DAZAP1: variants seen among roughly 807,000 people sequenced by gnomAD.
DAZAP1 encodes DAZ associated protein 1.
Under a neutral mutation model 60.1 loss-of-function variants are expected in DAZAP1, and 6 were observed. The observed-to-expected ratio is 0.10, with a 90% confidence interval of 0.05 to 0.20. The LOEUF (loss-of-function observed/expected upper bound fraction) is 0.20, where lower values mean the gene tolerates loss of function less well. Ranked by LOEUF, DAZAP1 falls within the 10% of genes least tolerant of loss-of-function variation. DAZAP1 has a pLI of 1.00. For missense variants in DAZAP1, 366 were observed against 560.4 expected (o/e 0.65, Z 3.50); for synonymous variants, 235 against 215.9 (o/e 1.09, Z -0.78).
chr19:1,424,621 C>T (rs549087759), intron 6 of DAZAP1, among the ~76,000 whole-genome samples: 1 of 151,956 alleles, frequency 6.6e-6, no homozygotes, highest in Non-Finnish European at 1.5e-5. Flanking sequence ...TTCCGGGGGC[C>T]GTTGCCTGTT....
chr19:1,417,281 C>G, intron 1 of DAZAP1: 3 of 612,740 alleles, frequency 4.9e-6, no homozygotes, highest in Non-Finnish European at 8.6e-6. Context: ...TGGCACGGTC[C>G]TCTCCCCATG....
chr19:1,410,599 C>T (rs996184647), intron 1 of DAZAP1, among the ~76,000 whole-genome samples: 5 of 152,220 alleles, frequency 3.3e-5, no homozygotes, highest in Admixed American at 2.6e-4. Context: ...GCTGACACAG[C>T]GCGGCCGGGG....
At chr19:1,421,736 C>T (rs1432352914) in intron 5 of DAZAP1, among the ~76,000 whole-genome samples, 1 of 152,206 alleles carries the variant, frequency 6.6e-6, no homozygotes, top group Non-Finnish European at 1.5e-5. Context: ...CGTGTGGTCA[C>T]CCCAAGGTCC....
At chr19:1,429,794 G>A (rs187769901) in intron 8 of DAZAP1, among the ~76,000 whole-genome samples, 173 bp from the exon 9 acceptor site, 1 of 152,302 alleles carries the variant, frequency 6.6e-6, no homozygotes, top group African/African-American at 2.4e-5. Context: ...AAGGGGTGGG[G>A]AGTGCTTCTC....
chr19:1,414,308 G>A (rs1221562663), intron 1 of DAZAP1, among the ~76,000 whole-genome samples: 5 of 152,118 alleles, frequency 3.3e-5, no homozygotes. Context: ...GTGAGCCAGT[G>A]CACCCATCCC....
At position 1,433,699 on chromosome 19, in the gene DAZAP1, G is replaced by A. The variant is rs767722925; in HGVS notation, c.1048+1009G>A. The A allele has an allele frequency of 1.3e-5, 21 of 1,560,420 alleles. No individual in the cohort carries two copies. Among genetic ancestry groups the A allele is most frequent in the African/African-American group, 2.7e-5 (2 of 73,826 alleles). On this transcript the variant is annotated intron_variant, in intron 11 of 11. Coordinates refer to ENST00000233078, the MANE Select transcript of DAZAP1 (RefSeq NM_018959.4). The surrounding 1 kb of genome is among the most constrained non-coding windows in gnomAD (Gnocchi z 6.1). Reference sequence around the variant, plus strand: ...TGTGTCAGCCGCTGCTCTTGGTGGCGGCTGCTTGGGTTGGTCACCCTGGTC... The same window carrying A: ...TGTGTCAGCCGCTGCTCTTGGTGGCAGCTGCTTGGGTTGGTCACCCTGGTC...
At position 1,421,249 on chromosome 19, in the gene DAZAP1, GT is replaced by G; in HGVS notation, c.407del (p.Phe136SerfsTer7). 6.2e-7 allele frequency: 1 copy of G among 1,614,020 alleles called. No homozygotes were observed. Among genetic ancestry groups the G allele is most frequent in the Non-Finnish European group, 8.5e-7 (1 of 1,179,906 alleles). On this transcript the variant is annotated frameshift_variant, in exon 5 of 12. Coordinates refer to ENST00000233078, the MANE Select transcript of DAZAP1 (RefSeq NM_018959.4). LOFTEE classifies it high-confidence loss of function. ...ETELREYFKK[F>X]GVVTEVVMIY... is the part of the protein sequence containing the mutation. Reference sequence around the variant, plus strand: ...CAGAGCTCAGGGAATACTTCAAGAAGTTCGGAGTGGTGAGTTTCTCCCCACC... The same window carrying G: ...CAGAGCTCAGGGAATACTTCAAGAAGTCGGAGTGGTGAGTTTCTCCCCACC...
chr19:1,422,477 A>AC lies in DAZAP1; in HGVS notation c.463+82dup. On this transcript the variant is annotated intron_variant, in intron 6 of 11. Transcript: ENST00000233078. This position sits in a 1 kb window ranked among gnomAD's most constrained non-coding sequence, Gnocchi z 4.5. ...AAACTATCTCACCCGCCAGGCACAC[A>AC]CAGGTGGCGGCTGTAGCAAACAGCC... The AC allele has an allele frequency of 1.4e-6, 2 of 1,386,506 alleles. No individual in the cohort carries two copies. The highest frequency in any genetic ancestry group is 1.8e-4 in the Middle Eastern group (1 of 5,592). The allele number at this position is 1,386,506 out of a possible 1,614,324, so 85.9% of individuals were successfully genotyped here.
chr19:1,408,325 G>A (rs2082724478), intron 1 of DAZAP1, among the ~76,000 whole-genome samples: 1 of 151,952 alleles, frequency 6.6e-6, no homozygotes, highest in African/African-American at 2.4e-5. Context: ...GAACCTGAGG[G>A]AGTCTGCGGG....
In DAZAP1 at chr19:1,417,518, T is replaced by C; in HGVS notation, c.48T>C (p.Gly16=). The C allele has an allele frequency of 6.2e-7, 1 of 1,607,372 alleles. No individual in the cohort carries two copies. Among genetic ancestry groups the C allele is most frequent in the Admixed American group, 1.7e-5 (1 of 58,890 alleles). The change falls in exon 2 of 12, where the codon GGT becomes GGC. Residue 16 remains glycine, a synonymous_variant. Coordinates refer to ENST00000233078, the MANE Select transcript of DAZAP1 (RefSeq NM_018959.4). ...ADEIGKLFVG[G]LDWSTTQETL... is the part of the protein sequence containing the mutation. ...ATCGCAGGAAGCTCTTCGTGGGCGG[T>C]CTTGACTGGAGCACGACCCAAGGTA...
At position 1,422,318 on chromosome 19, in the gene DAZAP1, G is replaced by C; in HGVS notation, c.415-30G>C. On this transcript the variant is annotated intron_variant, in intron 5 of 11. Transcript: ENST00000233078. The surrounding 1 kb of genome is among the most constrained non-coding windows in gnomAD (Gnocchi z 4.5). ...GACCACCTGTGGTGCTGGCCCTGGT[G>C]TCCGTGCTGACGCCACCCTCTCCTT... The C allele has an allele frequency of 6.2e-7, 1 of 1,611,842 alleles. No homozygotes were observed. The highest frequency in any genetic ancestry group is 8.5e-7 in the Non-Finnish European group (1 of 1,178,184).
intron 1 of DAZAP1, among the ~76,000 whole-genome samples, chr19:1,410,866 A>G (rs1428885368): frequency 6.6e-6 from 1 of 152,228 alleles, no homozygotes; most frequent in Non-Finnish European, 1.5e-5. Flanking sequence ...ATTGTAGGAA[A>G]GTCACAGAGG....
chr19:1,417,379 C>T, intron 1 of DAZAP1, 121 bp from the exon 2 acceptor site: 1 of 1,102,628 alleles, frequency 9.1e-7, no homozygotes, highest in Non-Finnish European at 1.3e-6. Context: ...CCGTCACGTG[C>T]ACAAGGACGT....
Position 1,433,862 on chromosome 19 carries a change from C to T in DAZAP1, c.1049-875C>T, listed in dbSNP as rs371494840. 4 of 1,581,502 alleles carry T rather than the reference C, an allele frequency of 2.5e-6. No individual in the cohort carries two copies. The highest frequency in any genetic ancestry group is 1.7e-5 in the Admixed American group (1 of 59,886). ...GCCTCCTTCTCCAGGGTCCTCCCAC[C>T]CGCCTGCACCGGGAGGTGGACGTGG... On this transcript the variant is annotated intron_variant, in intron 11 of 11. Coordinates refer to ENST00000233078, the MANE Select transcript of DAZAP1 (RefSeq NM_018959.4). The surrounding 1 kb of genome is among the most constrained non-coding windows in gnomAD (Gnocchi z 6.1).
In DAZAP1 at chr19:1,422,106, G is replaced by A. The variant is rs769285470; in HGVS notation, c.415-242G>A. Reference sequence around the variant, plus strand: ...GCGGGGCCACGGGCAGCCCGGAGGCGGGTATCCAGACGCCTGCCCTGGAGC... The same window carrying A: ...GCGGGGCCACGGGCAGCCCGGAGGCAGGTATCCAGACGCCTGCCCTGGAGC... On this transcript the variant is annotated intron_variant, in intron 5 of 11. Coordinates refer to ENST00000233078, the MANE Select transcript of DAZAP1 (RefSeq NM_018959.4). This position sits in a 1 kb window ranked among gnomAD's most constrained non-coding sequence, Gnocchi z 4.5. Among the ~76,000 whole-genome samples, 2 of 152,264 alleles carry A rather than the reference G, an allele frequency of 1.3e-5. No homozygotes were observed. Among genetic ancestry groups the A allele is most frequent in the South Asian group, 2.1e-4 (1 of 4,836 alleles).
Position 1,428,674 on chromosome 19 carries a change from A to G in DAZAP1, c.547-168A>G. ...AAACAAAAAAATTCAACACAAAAGA[A>G]TTTTTTAAGAAAAAAATGCTACTGG... On this transcript the variant is annotated intron_variant, in intron 7 of 11. Transcript: ENST00000233078. This position sits in a 1 kb window ranked among gnomAD's most constrained non-coding sequence, Gnocchi z 4.0. 1 of 863,532 alleles carries G rather than the reference A, an allele frequency of 1.2e-6. No individual in the cohort carries two copies. The highest frequency in any genetic ancestry group is 1.7e-6 in the Non-Finnish European group (1 of 577,644). 53.5% of individuals were successfully genotyped at this position (863,532 alleles called of 1,614,324 possible).
intron 8 of DAZAP1, among the ~76,000 whole-genome samples, chr19:1,429,369 TGAG>T (rs1350835893): frequency 7.9e-5 from 12 of 152,228 alleles, no homozygotes; most frequent in South Asian, 2.1e-4. Flanking sequence ...CTGGGGGGCT[TGAG>T]GAGCCGGCAG....
chr19:1,419,027 C>G (rs1379891519), intron 4 of DAZAP1, among the ~76,000 whole-genome samples: 1 of 151,598 alleles, frequency 6.6e-6, no homozygotes, highest in East Asian at 2.0e-4. Flanking sequence ...CCGGGCCTGC[C>G]CCCTCCCACT....
chr19:1,433,590 G>A lies in DAZAP1; in HGVS notation c.1048+900G>A. The A allele has an allele frequency of 6.3e-6, 4 of 635,704 alleles. 1 individual carries two copies. Among genetic ancestry groups the A allele is most frequent in the Non-Finnish European group, 1.1e-5 (4 of 362,334 alleles). 39.4% of individuals were successfully genotyped at this position (635,704 alleles called of 1,614,324 possible). On this transcript the variant is annotated intron_variant, in intron 11 of 11. Transcript: ENST00000233078. The surrounding 1 kb of genome is among the most constrained non-coding windows in gnomAD (Gnocchi z 6.1). ...GCCTTGGGCCGAGGTTGCCGCATGTGTGGGTTCTTGACCCACTCACCACCA... is the reference window on the plus strand; with the variant it reads ...GCCTTGGGCCGAGGTTGCCGCATGTATGGGTTCTTGACCCACTCACCACCA...
Sources: gnomAD v4.1 joint callset for allele counts (sites outside exome capture counted in the v4.1 genomes callset) on GRCh38, gnomAD v4.1.1 for gene constraint, Gnocchi (gnomAD v3.1) non-coding constraint, MANE v1.5 for transcripts, NCBI Gene and HGNC (gene_info 2026-07-23, HGNC 2026-07-21) for gene names.